ZCCHC14: variants seen among roughly 807,000 people sequenced by gnomAD.
The protein encoded by ZCCHC14 is zinc finger CCHC-type containing 14, also known as zinc finger CCHC domain-containing protein 14.
ZCCHC14 carries 16 observed loss-of-function variants against 85.0 expected under a neutral mutation model. That is an observed-to-expected ratio of 0.19 (90% CI 0.13 to 0.29). The LOEUF is 0.29. Ranked by LOEUF, ZCCHC14 falls within the 10% of genes least tolerant of loss-of-function variation. The pLI, the probability that ZCCHC14 is intolerant of heterozygous loss-of-function variation, is 1.00. For missense variants in ZCCHC14, 1,303 were observed against 1,443.5 expected, an observed-to-expected ratio of 0.90 and a Z score of 1.58; for synonymous variants, 775 against 630.7, an observed-to-expected ratio of 1.23 and a Z score of -3.43.
At chr16:87,477,142 C>CAA (rs1567542354) in intron 1 of ZCCHC14, among the ~76,000 whole-genome samples, 2 of 78,604 alleles carry the variant, frequency 2.5e-5, no homozygotes, top group Admixed American at 1.5e-4. Context: ...AAAAAAAAAA[C>CAA]AAAACAAAAC....
chr16:87,461,636 C>G (rs1038743152), intron 1 of ZCCHC14, among the ~76,000 whole-genome samples: 2 of 152,306 alleles, frequency 1.3e-5, no homozygotes, highest in South Asian at 2.1e-4. Flanking sequence ...TCCCAGCACT[C>G]GCTCTGCAGA....
chr16:87,461,899 C>T (rs997427472), intron 1 of ZCCHC14, among the ~76,000 whole-genome samples: 3 of 152,178 alleles, frequency 2.0e-5, no homozygotes, highest in African/African-American at 7.2e-5. Flanking sequence ...ACTAACAGAT[C>T]CCACGCGGCT....
Position 87,417,452 on chromosome 16 carries a change from C to T in ZCCHC14, c.1383+8G>A, listed in dbSNP as rs924025766. On this transcript the variant is annotated splice_region_variant and intron_variant, in intron 8 of 12. Transcript: ENST00000671377. The stretch of plus-strand genomic sequence containing the variant: ...AATTCTGTACGGCCAGCCAGAAAAC[C>T]GACATACCTTCTCCATGGAGAGCTG... 2.5e-6 allele frequency: 4 copies of T among 1,611,730 alleles called. No homozygotes were observed. The highest frequency in any genetic ancestry group is 2.7e-5 in the African/African-American group (2 of 75,004).
chr16:87,411,773 G>A lies in ZCCHC14; in HGVS notation c.2948C>T (p.Thr983Ile), dbSNP rs776655724. Residue 983 changes from threonine (T) to isoleucine (I), a missense_variant, in exon 12 of 13, where the codon ACC (threonine) becomes ATC (isoleucine). Coordinates refer to ENST00000671377, the MANE Select transcript of ZCCHC14 (RefSeq NM_015144.3). Reference sequence around the variant, plus strand: ...GTAAGGGGCGTGCACGACGGGGAAGGTGGAGCCGCCGCCGTACTGCTGGGC... The same window carrying A: ...GTAAGGGGCGTGCACGACGGGGAAGATGGAGCCGCCGCCGTACTGCTGGGC... ...VSAQQYGGGSTFPVVHAPYSS... is the reference protein window; with the variant it reads ...VSAQQYGGGSIFPVVHAPYSS... 2 of 1,611,572 alleles carry A rather than the reference G, an allele frequency of 1.2e-6. No individual in the cohort carries two copies. Among genetic ancestry groups the A allele is most frequent in the South Asian group, 1.1e-5 (1 of 91,006 alleles).
intron 1 of ZCCHC14, chr16:87,473,813 A>G (rs1173728857): frequency 6.6e-6 from 1 of 152,104 alleles, no homozygotes; most frequent in Non-Finnish European, 1.5e-5. Context: ...GGACTTGAAG[A>G]GGCCAGGAGC....
chr16:87,446,884 A>G (rs1910466479), intron 2 of ZCCHC14, among the ~76,000 whole-genome samples: 1 of 151,884 alleles, frequency 6.6e-6, no homozygotes. Context: ...CGGGGGTTTC[A>G]CCATGTTGGC....
chr16:87,438,446 G>T (rs1418392292), intron 2 of ZCCHC14, among the ~76,000 whole-genome samples: 1 of 152,202 alleles, frequency 6.6e-6, no homozygotes, highest in East Asian at 1.9e-4. Flanking sequence ...TAGATACAGA[G>T]AAAGTCTTCC....
At chr16:87,442,804 C>T (rs1910249328) in intron 2 of ZCCHC14, among the ~76,000 whole-genome samples, 2 of 152,174 alleles carry the variant, frequency 1.3e-5, no homozygotes, top group African/African-American at 4.8e-5. Flanking sequence ...ATTCAAATGA[C>T]TGGGACTTTC....
chr16:87,469,760 C>T (rs1374154993), intron 1 of ZCCHC14, among the ~76,000 whole-genome samples: 1 of 152,094 alleles, frequency 6.6e-6, no homozygotes, highest in East Asian at 1.9e-4. Flanking sequence ...ACTGGGCCTC[C>T]CGGAAGGCAG....
chr16:87,412,279 G>A lies in ZCCHC14; in HGVS notation c.2442C>T (p.Tyr814=). 6.2e-7 allele frequency: 1 copy of A among 1,613,954 alleles called. No homozygotes were observed. The highest frequency in any genetic ancestry group is 8.5e-7 in the Non-Finnish European group (1 of 1,180,028). Residue 814 remains tyrosine, a synonymous_variant, in exon 12 of 13, where the codon TAC becomes TAT. Transcript: ENST00000671377. The part of the protein sequence containing the change: ...PAIINPRTAL[Y]TANTKVAFSA... ...AAAAGGCAACTTTGGTGTTGGCTGT[G>A]TACAGAGCAGTCCGGGGGTTTATTA...
At chr16:87,422,906 G>C (rs914115775) in intron 4 of ZCCHC14, among the ~76,000 whole-genome samples, 2 of 98,388 alleles carry the variant, frequency 2.0e-5, no homozygotes, top group East Asian at 5.5e-4. Context: ...GCAGATTCCC[G>C]GGGGGGGGTG....
intron 2 of ZCCHC14, among the ~76,000 whole-genome samples, chr16:87,440,475 T>C (rs966683745): frequency 5.9e-5 from 9 of 151,892 alleles, no homozygotes; most frequent in African/African-American, 2.2e-4. Flanking sequence ...GATTCTAAAG[T>C]TTTAGACAGA....
At chr16:87,425,299 G>A (rs1202897303) in intron 3 of ZCCHC14, among the ~76,000 whole-genome samples, 2 of 152,164 alleles carry the variant, frequency 1.3e-5, no homozygotes, top group Admixed American at 6.5e-5. Context: ...GCTTGAGGCC[G>A]GGCGCAGTGG....
intron 2 of ZCCHC14, among the ~76,000 whole-genome samples, chr16:87,456,908 AAAAAG>A (rs951734356): frequency 1.3e-5 from 2 of 152,254 alleles, no homozygotes; most frequent in Non-Finnish European, 2.9e-5. Context: ...ACTGTCTCAC[AAAAAG>A]AAAACTTTAA....
At chr16:87,418,967 A>G (rs1396875162) in intron 6 of ZCCHC14, 66 bp from the exon 7 acceptor site, 4 of 1,443,262 alleles carry the variant, frequency 2.8e-6, no homozygotes, top group African/African-American at 1.4e-5. Context: ...TTATTTTATT[A>G]TTTTTTGAGA....
intron 3 of ZCCHC14, among the ~76,000 whole-genome samples, chr16:87,426,233 CG>C (rs1909363393): frequency 6.6e-6 from 1 of 152,156 alleles, no homozygotes; most frequent in African/African-American, 2.4e-5. Context: ...GAAGGGGAAC[CG>C]GCCGTTAGAG....
rs990420407 is a variant in ZCCHC14 at position 87,492,423 on chromosome 16, G to C, written c.-185C>G. ...GGGGCGGGGGCGGGGACCGGGGCCGGGCAAGGCTCCCGTCAGGGGCCGGCG... is the reference window on the plus strand; with the variant it reads ...GGGGCGGGGGCGGGGACCGGGGCCGCGCAAGGCTCCCGTCAGGGGCCGGCG... On this transcript the variant is annotated 5_prime_UTR_variant, in exon 1 of 13. Coordinates refer to ENST00000671377, the MANE Select transcript of ZCCHC14 (RefSeq NM_015144.3). This position sits in a 1 kb window ranked among gnomAD's most constrained non-coding sequence, Gnocchi z 6.7. 6.9e-6 allele frequency: 1 copy of C among 145,070 alleles called. No individual in the cohort carries two copies. The highest frequency in any genetic ancestry group is 1.5e-5 in the Non-Finnish European group (1 of 65,498). 9.0% of individuals were successfully genotyped at this position (145,070 alleles called of 1,614,324 possible). A position where few individuals can be genotyped will look rare whatever the true frequency, so the allele number is the denominator to read the frequency against.
intron 2 of ZCCHC14, among the ~76,000 whole-genome samples, chr16:87,438,109 G>T (rs1026582454): frequency 1.6e-4 from 25 of 152,232 alleles, no homozygotes; most frequent in African/African-American, 5.3e-4. Context: ...CCACAAAGCG[G>T]GTACAGTAGC....
At chr16:87,483,579 T>C (rs1238127462) in intron 1 of ZCCHC14, among the ~76,000 whole-genome samples, 1 of 152,072 alleles carries the variant, frequency 6.6e-6, no homozygotes, top group South Asian at 2.1e-4. Context: ...ATCAATGAAA[T>C]CGTTTACTTG....
Sources: gnomAD v4.1 joint callset for allele counts (sites outside exome capture counted in the v4.1 genomes callset) on GRCh38, gnomAD v4.1.1 for gene constraint, Gnocchi (gnomAD v3.1) non-coding constraint, MANE v1.5 for transcripts, NCBI Gene and HGNC (gene_info 2026-07-23, HGNC 2026-07-21) for gene names.